The following IQSEC3 variants were observed in gnomAD, a reference collection of about 807,000 sequenced individuals.
IQSEC3 encodes the protein IQ motif and Sec7 domain ArfGEF 3.
Under a neutral mutation model 105.4 loss-of-function variants are expected in IQSEC3, and 50 were observed. The ratio of observed to expected loss-of-function variants is 0.47; its 90% CI spans 0.38 to 0.60. The LOEUF (loss-of-function observed/expected upper bound fraction) is 0.60, where lower values mean the gene tolerates loss of function less well. IQSEC3 is among the 20% of genes least tolerant of loss of function. The probability of loss-of-function intolerance (pLI) is 0.00; values close to 1 mark genes in which losing one functional copy is unlikely to be tolerated. For synonymous variants in IQSEC3, 708 were observed against 746.0 expected (o/e 0.95, Z 0.83); for missense variants, 1,415 against 1,630.0 (o/e 0.87, Z 2.27).
rs1399590127 is a variant in IQSEC3 at position 103,739 on chromosome 12, C to T, written c.623+4525C>T. Among the ~76,000 whole-genome samples, 3 of 1,392 alleles carry T rather than the reference C, an allele frequency of 2.2e-3. No homozygotes were observed. In the African/African-American group the frequency reaches 0.022, roughly 10 times the overall value. 0.9% of individuals were successfully genotyped at this position (1,392 alleles called of 152,430 possible). On this transcript the variant is annotated intron_variant, in intron 2 of 13. Coordinates refer to ENST00000538872, the MANE Select transcript of IQSEC3 (RefSeq NM_001170738.2). Reference sequence around the variant, plus strand: ...GGACTCAGGAGGGAGAGGTGGAGTTCGGGGGGAGGCAGGGCTGGGGGGAGG... The same window carrying T: ...GGACTCAGGAGGGAGAGGTGGAGTTTGGGGGGAGGCAGGGCTGGGGGGAGG...
At chr12:166,164 G>T (rs1250801612) in intron 11 of IQSEC3, 4 of 435,388 alleles carry the variant, frequency 9.2e-6, no homozygotes, top group Non-Finnish European at 1.6e-5. Flanking sequence ...GGAACAGAGA[G>T]CTCTGCTGTT....
intron 1 of IQSEC3, among the ~76,000 whole-genome samples, chr12:90,062 C>T (rs181502837): frequency 1.6e-3 from 246 of 152,312 alleles, no homozygotes; most frequent in African/African-American, 5.5e-3. Flanking sequence ...CCAGGTGCTC[C>T]GCACCCTTGT....
chr12:148,846 G>T (rs959691346), intron 5 of IQSEC3: 1 of 151,756 alleles, frequency 6.6e-6, no homozygotes, highest in Admixed American at 6.6e-5. Flanking sequence ...CCAGATCTTC[G>T]CCGTCTCTTC....
In IQSEC3 at chr12:175,241, GAC is replaced by G. The variant is rs1939203946; in HGVS notation, c.*213_*214del. 2 of 545,174 alleles carry G rather than the reference GAC, an allele frequency of 3.7e-6. No individual in the cohort carries two copies. The highest frequency in any genetic ancestry group is 5.7e-5 in the South Asian group (2 of 34,914). The allele number at this position is 545,174 out of a possible 1,614,324, so 33.8% of individuals were successfully genotyped here. A position where few individuals can be genotyped will look rare whatever the true frequency, so the allele number is the denominator to read the frequency against. On this transcript the variant is annotated 3_prime_UTR_variant, in exon 14 of 14. Coordinates refer to ENST00000538872, the MANE Select transcript of IQSEC3 (RefSeq NM_001170738.2). ...GCTGCACCCCCTCTGCAGATCTGAAGACACACCTCACTCTCCCAGGGCCCTAC... is the reference window on the plus strand; with the variant it reads ...GCTGCACCCCCTCTGCAGATCTGAAGACACCTCACTCTCCCAGGGCCCTAC...
At chr12:125,961 C>A in intron 3 of IQSEC3, 49 bp downstream of exon 3, 1 of 1,449,326 alleles carries the variant, frequency 6.9e-7, no homozygotes, top group Non-Finnish European at 9.0e-7. Context: ...AGGGGCCCTG[C>A]TTTGGGGGCT....
At chr12:143,173 T>G (rs1214244684) in intron 5 of IQSEC3, 1 of 152,606 alleles carries the variant, frequency 6.6e-6, no homozygotes, top group African/African-American at 2.4e-5. Context: ...GCTGGAGGCT[T>G]GGAGCAGTGG....
At chr12:172,903 G>A (rs190968484) in intron 13 of IQSEC3, among the ~76,000 whole-genome samples, 21 of 152,326 alleles carry the variant, frequency 1.4e-4, no homozygotes, top group Non-Finnish European at 2.1e-4. Flanking sequence ...AACGGGAGGC[G>A]CAGGCTGTGG....
At position 152,701 on chromosome 12, in the gene IQSEC3, C is replaced by A. The variant is rs542637102; in HGVS notation, c.2154-4324C>A. ...TTGAGTAAGGGACCTCCCTGCCACCCCACACACACACAGGAGTGAAGAGAA... is the reference window on the plus strand; with the variant it reads ...TTGAGTAAGGGACCTCCCTGCCACCACACACACACACAGGAGTGAAGAGAA... On this transcript the variant is annotated intron_variant, in intron 5 of 13. Transcript: ENST00000538872. The surrounding 1 kb of genome is among the most constrained non-coding windows in gnomAD (Gnocchi z 4.8). 6.6e-6 allele frequency among the ~76,000 whole-genome samples: 1 copy of A among 152,150 alleles called. No individual in the cohort carries two copies. Among genetic ancestry groups the A allele is most frequent in the South Asian group, 2.1e-4 (1 of 4,804 alleles).
intron 4 of IQSEC3, chr12:140,429 T>G (rs1178453397): frequency 6.6e-6 from 1 of 152,220 alleles, no homozygotes; most frequent in Non-Finnish European, 1.5e-5. Flanking sequence ...CTCTTCTGCA[T>G]GCACATGAAA....
At chr12:163,663 TC>T (rs1555097233) in intron 9 of IQSEC3, 44 bp downstream of exon 9, 1 of 1,117,460 alleles carries the variant, frequency 8.9e-7, no homozygotes. Flanking sequence ...TGGGGCTGCC[TC>T]TGCCGCCCTG....
At chr12:142,226 G>C (rs1866060254) in intron 5 of IQSEC3, 1 of 152,276 alleles carries the variant, frequency 6.6e-6, no homozygotes, top group Non-Finnish European at 1.5e-5. Flanking sequence ...GGAGCAGCAA[G>C]GGACTGCCAG....
Position 125,883 on chromosome 12 carries a change from GA to G in IQSEC3, c.876del (p.Glu292AspfsTer6). ...CPHAPAASDY[E>X]LSLDLKNKQI... ...CCACGCCCCTGCCGCCTCCGATTAC[GA>G]ACTCTCCCTTGACCTAAAGAATAAA... On this transcript the variant is annotated frameshift_variant, in exon 3 of 14. Transcript: ENST00000538872. LOFTEE classifies it high-confidence loss of function. 1 of 1,533,774 alleles carries G rather than the reference GA, an allele frequency of 6.5e-7. No homozygotes were observed. Among genetic ancestry groups the G allele is most frequent in the Non-Finnish European group, 8.7e-7 (1 of 1,146,528 alleles).
intron 5 of IQSEC3, chr12:142,204 A>C (rs1866058767): frequency 6.6e-6 from 1 of 152,106 alleles, no homozygotes; most frequent in South Asian, 2.1e-4. Flanking sequence ...TCTCCCTTTC[A>C]TCCTCGCTCC....
Position 138,925 on chromosome 12 carries a change from A to T in IQSEC3, c.1562A>T (p.Glu521Val), listed in dbSNP as rs1354015519. 1.9e-6 allele frequency: 3 copies of T among 1,597,398 alleles called. No individual in the cohort carries two copies. The highest frequency in any genetic ancestry group is 2.6e-6 in the Non-Finnish European group (3 of 1,173,018). Residue 521 changes from glutamate (E) to valine (V), a missense_variant, in exon 4 of 14, where the codon GAG (glutamate) becomes GTG (valine). By Grantham distance (121) the Glu-to-Val change is moderately radical. This residue lies in a region of IQSEC3 where 720 missense variants were observed against 633.0 expected (regional missense o/e 1.14). Coordinates refer to ENST00000538872, the MANE Select transcript of IQSEC3 (RefSeq NM_001170738.2). This position sits in a 1 kb window ranked among gnomAD's most constrained non-coding sequence, Gnocchi z 7.1. ...GCTCAGACGGTCCAGGCCCCCGCAG[A>T]GCCCGCGGCGGGCAAGGCCGAGCAG... The part of the protein sequence containing the change: ...LGAQTVQAPA[E>V]PAAGKAEQGE...
chr12:93,037 T>C (rs1555073888), intron 1 of IQSEC3, among the ~76,000 whole-genome samples: 1 of 152,208 alleles, frequency 6.6e-6, no homozygotes, highest in African/African-American at 2.4e-5. Flanking sequence ...GCCTTTGCCT[T>C]TATAATGTGC....
intron 2 of IQSEC3, among the ~76,000 whole-genome samples, chr12:124,609 G>A (rs937348299): frequency 1.3e-5 from 2 of 152,118 alleles, no homozygotes; most frequent in African/African-American, 2.4e-5. Context: ...TTGAGGCCAT[G>A]GTGTTAACCA....
chr12:106,668 G>C (rs1288874979), intron 2 of IQSEC3: 1 of 152,208 alleles, frequency 6.6e-6, no homozygotes, highest in Non-Finnish European at 1.5e-5. Flanking sequence ...AGTTTTCTGG[G>C]AAATATGTTC....
At chr12:139,438 A>G (rs559370706) in intron 4 of IQSEC3, 84 bp downstream of exon 4, 2 of 1,196,982 alleles carry the variant, frequency 1.7e-6, no homozygotes, top group African/African-American at 1.5e-5. Context: ...TCCACCAAGC[A>G]GGGCGCCAGG....
intron 13 of IQSEC3, chr12:171,574 AG>A: frequency 1.7e-6 from 1 of 572,368 alleles, no homozygotes; most frequent in South Asian, 2.2e-5. Flanking sequence ...CACCATCCAT[AG>A]CGGGGAGCCT....
Sources: gnomAD v4.1 joint callset for allele counts (sites outside exome capture counted in the v4.1 genomes callset) on GRCh38, gnomAD v4.1.1 for gene constraint, gnomAD v4.1.1 regional missense constraint, Gnocchi (gnomAD v3.1) non-coding constraint, MANE v1.5 for transcripts, NCBI Gene and HGNC (gene_info 2026-07-23, HGNC 2026-07-21) for gene names.